The following FLACC1 variants were observed in gnomAD, a reference collection of about 807,000 sequenced individuals.
FLACC1 encodes the protein flagellum-associated coiled-coil domain-containing protein 1.
In FLACC1, 66 loss-of-function variants were observed where a neutral mutation model predicts 62.8. The ratio of observed to expected loss-of-function variants is 1.05; its 90% CI spans 0.86 to 1.29. FLACC1 has a LOEUF of 1.29. Ranked by LOEUF, FLACC1 falls within the 50% of genes most tolerant of loss-of-function variation. The pLI, the probability that FLACC1 is intolerant of heterozygous loss-of-function variation, is 0.00. For missense variants in FLACC1, 452 were observed against 489.1 expected (o/e 0.92, Z 0.71); for synonymous variants, 156 against 161.0 (o/e 0.97, Z 0.24).
intron 7 of FLACC1, among the ~76,000 whole-genome samples, chr2:201,340,107 A>G (rs553096086): frequency 6.6e-6 from 1 of 152,280 alleles, no homozygotes; most frequent in Admixed American, 6.5e-5. Context: ...AGACCCTGGG[A>G]GGAGTGCTCA....
intron 12 of FLACC1, among the ~76,000 whole-genome samples, chr2:201,290,636 A>T (rs893800272): frequency 6.6e-6 from 1 of 152,174 alleles, no homozygotes; most frequent in Non-Finnish European, 1.5e-5. Flanking sequence ...TGCATTTCCA[A>T]CTGAGGTATC....
intron 7 of FLACC1, among the ~76,000 whole-genome samples, chr2:201,332,273 G>C (rs1029429156): frequency 3.3e-5 from 5 of 150,890 alleles, no homozygotes; most frequent in African/African-American, 9.7e-5. Flanking sequence ...TTCAGACGTA[G>C]TCTCTGGCTC....
intron 12 of FLACC1, among the ~76,000 whole-genome samples, chr2:201,295,258 A>G (rs1338583177): frequency 1.3e-5 from 2 of 152,220 alleles, no homozygotes; most frequent in East Asian, 1.9e-4. Flanking sequence ...CTGACTTCAA[A>G]CTATACTACA....
intron 11 of FLACC1, among the ~76,000 whole-genome samples, chr2:201,303,108 C>A (rs1576421515): frequency 6.6e-6 from 1 of 151,162 alleles, no homozygotes; most frequent in East Asian, 1.9e-4. Context: ...GATAGAGACA[C>A]AAAAACCCTT....
Position 201,288,974 on chromosome 2 carries a change from A to G in FLACC1, c.1143-193T>C, listed in dbSNP as rs548617934. ...TAAAGTCCTATACGAGGAATTTTCT[A>G]CTAAATCAATGCAATAAATAACTTT... is the stretch of plus-strand genomic sequence containing the variant. On this transcript the variant is annotated intron_variant, in intron 14 of 14. Coordinates refer to ENST00000392257, the MANE Select transcript of FLACC1 (RefSeq NM_001127391.3). 1.3e-3 allele frequency among the ~76,000 whole-genome samples: 196 copies of G among 152,324 alleles called. 1 individual carries two copies. The highest frequency in any genetic ancestry group is 4.3e-3 in the African/African-American group (179 of 41,572).
intron 11 of FLACC1, among the ~76,000 whole-genome samples, chr2:201,302,517 T>A (rs905856508): frequency 1.9e-4 from 29 of 152,026 alleles, no homozygotes; most frequent in Admixed American, 3.9e-4. Context: ...CATTAGACAG[T>A]TCCACGAGAC....
chr2:201,304,709 A>T (rs1241200088), intron 11 of FLACC1, among the ~76,000 whole-genome samples: 1 of 152,232 alleles, frequency 6.6e-6, no homozygotes, highest in Admixed American at 6.5e-5. Flanking sequence ...TAACCAAAAC[A>T]GCATGGTACT....
At chr2:201,341,154 T>G (rs1332033043) in intron 7 of FLACC1, among the ~76,000 whole-genome samples, 1 of 152,104 alleles carries the variant, frequency 6.6e-6, no homozygotes, top group African/African-American at 2.4e-5. Flanking sequence ...CTCCTCATTT[T>G]TGCTGTAAAC....
chr2:201,332,436 T>C (rs551152883), intron 7 of FLACC1, among the ~76,000 whole-genome samples: 1 of 152,058 alleles, frequency 6.6e-6, no homozygotes, highest in Admixed American at 6.6e-5. Flanking sequence ...TTTGCAGAGA[T>C]GGGTTTTCAC....
intron 7 of FLACC1, among the ~76,000 whole-genome samples, chr2:201,331,309 A>G (rs971012914): frequency 4.6e-5 from 7 of 152,152 alleles, no homozygotes; most frequent in African/African-American, 1.7e-4. Context: ...CCTGGCATCT[A>G]TCCAGAAAGG....
intron 7 of FLACC1, among the ~76,000 whole-genome samples, chr2:201,331,872 G>T (rs1344212170): frequency 6.6e-6 from 1 of 152,290 alleles, no homozygotes; most frequent in African/African-American, 2.4e-5. Context: ...TGATAATGAT[G>T]TGTCAATATA....
chr2:201,323,309 A>G (rs1950439411), intron 9 of FLACC1, among the ~76,000 whole-genome samples: 1 of 152,234 alleles, frequency 6.6e-6, no homozygotes, highest in Admixed American at 6.5e-5. Flanking sequence ...TCTAAACTCA[A>G]CATGAAGGAA....
chr2:201,289,492 G>A lies in FLACC1; in HGVS notation c.1107C>T (p.Thr369=). 6.2e-7 allele frequency: 1 copy of A among 1,614,130 alleles called. No individual in the cohort carries two copies. Among genetic ancestry groups the A allele is most frequent in the East Asian group, 2.2e-5 (1 of 44,888 alleles). Reference sequence around the variant, plus strand: ...TGTTCTCTTCCGTCAGGATCTGTATGGTGTGCTTATACTTTTCTTCAGTTT... The same window carrying A: ...TGTTCTCTTCCGTCAGGATCTGTATAGTGTGCTTATACTTTTCTTCAGTTT... ...FAETEEKYKH[T]IQILTEENIH... is the part of the protein sequence containing the mutation. Residue 369 remains threonine, a synonymous_variant, in exon 14 of 15, where the codon ACC becomes ACT. Transcript: ENST00000392257.
At chr2:201,353,917 T>C (rs557346536) in intron 1 of FLACC1, among the ~76,000 whole-genome samples, 56 of 152,278 alleles carry the variant, frequency 3.7e-4, no homozygotes, top group South Asian at 2.1e-3. Flanking sequence ...GATATTTCAT[T>C]AGTAATAAAA....
At chr2:201,312,583 A>G (rs535524024) in intron 9 of FLACC1, among the ~76,000 whole-genome samples, 1 of 152,362 alleles carries the variant, frequency 6.6e-6, no homozygotes, top group South Asian at 2.1e-4. Context: ...TAAAATTCAT[A>G]TGGAACCAAA....
chr2:201,353,089 T>C (rs1010141109), intron 1 of FLACC1, among the ~76,000 whole-genome samples: 1 of 152,218 alleles, frequency 6.6e-6, no homozygotes, highest in African/African-American at 2.4e-5. Flanking sequence ...TGTGGTAACT[T>C]TGTTACAGAG....
the FLACC1 span, among the ~76,000 whole-genome samples, chr2:201,364,009 C>T: frequency 2.0e-5 from 3 of 152,188 alleles, no homozygotes; most frequent in Non-Finnish European, 4.4e-5. Context: ...GCAGGGAGCT[C>T]AGACCACTAT....
rs976076157 is a variant in FLACC1, at chr2:201,288,587, C to T, written c.*68G>A. On this transcript the variant is annotated 3_prime_UTR_variant, in exon 15 of 15. Coordinates refer to ENST00000392257, the MANE Select transcript of FLACC1 (RefSeq NM_001127391.3). ...TATGCATTTTCTCAAGAAAACCCTC[C>T]CAGGAGTTTCCTGGGCCTACAGAAA... 1 of 1,569,784 alleles carries T rather than the reference C, an allele frequency of 6.4e-7. No individual in the cohort carries two copies. Among genetic ancestry groups the T allele is most frequent in the Non-Finnish European group, 8.7e-7 (1 of 1,155,460 alleles).
chr2:201,307,554 T>C lies in FLACC1; in HGVS notation c.844A>G (p.Ser282Gly). 1 of 1,614,218 alleles carries C rather than the reference T, an allele frequency of 6.2e-7. No individual in the cohort carries two copies. ...TGAATGAAGTTCTCAAAGACAGCACTGCAGGATTCATTTATTTTCTTATCT... is the reference window on the plus strand; with the variant it reads ...TGAATGAAGTTCTCAAAGACAGCACCGCAGGATTCATTTATTTTCTTATCT... The part of the protein sequence containing the change: ...EEDKKINESC[S>G]AVFENFIQEK... The change falls in exon 11 of 15, where the codon AGT becomes GGT. Residue 282 changes from serine (S) to glycine (G), a missense_variant. This residue lies in a region of FLACC1 where 301 missense variants were observed against 318.4 expected (regional missense o/e 0.95). Coordinates refer to ENST00000392257, the MANE Select transcript of FLACC1 (RefSeq NM_001127391.3).
Sources: gnomAD v4.1 joint callset for allele counts (sites outside exome capture counted in the v4.1 genomes callset) on GRCh38, gnomAD v4.1.1 for gene constraint, gnomAD v4.1.1 regional missense constraint, MANE v1.5 for transcripts, NCBI Gene and HGNC (gene_info 2026-07-23, HGNC 2026-07-21) for gene names.